The following EIF4E3 variants were observed in gnomAD, a reference collection of about 807,000 sequenced individuals.
EIF4E3 encodes eukaryotic translation initiation factor 4E type 3.
A neutral mutation model predicts 31.7 loss-of-function variants in EIF4E3; 26 were observed. The observed-to-expected ratio is 0.82, with a 90% CI of 0.60 to 1.14. The LOEUF (loss-of-function observed/expected upper bound fraction) is 1.14. EIF4E3 is among the 50% of genes most tolerant of loss of function. The probability of loss-of-function intolerance (pLI) is 0.00; values close to 1 mark genes in which losing one functional copy is unlikely to be tolerated. For missense variants in EIF4E3, 304 were observed against 270.9 expected (o/e 1.12, Z -0.86); for synonymous variants, 128 against 107.7 (o/e 1.19, Z -1.17).
At chr3:71,740,747 C>T (rs946427368) in intron 1 of EIF4E3, among the ~76,000 whole-genome samples, 16 of 152,016 alleles carry the variant, frequency 1.1e-4, no homozygotes, top group Admixed American at 5.2e-4. Flanking sequence ...AACAACAAAA[C>T]GAAACAACCA....
At position 71,681,212 on chromosome 3, in the gene EIF4E3, T is replaced by C. The variant is rs1466902913; in HGVS notation, c.*3470A>G. The C allele has an allele frequency of 1.3e-5, 2 of 152,240 alleles. No homozygotes were observed. The highest frequency in any genetic ancestry group is 3.8e-4 in the East Asian group (2 of 5,202). 9.4% of individuals were successfully genotyped at this position (152,240 alleles called of 1,614,324 possible). ...CAAGTATCATTTTTACATTTTCTCG[T>C]CAAATTTTTATAAAAGCTTAAGAGC... is the stretch of plus-strand genomic sequence containing the variant. On this transcript the variant is annotated 3_prime_UTR_variant, in exon 7 of 7. Coordinates refer to ENST00000425534, the MANE Select transcript of EIF4E3 (RefSeq NM_001134651.2).
chr3:71,669,128 C>T, the EIF4E3 span, among the ~76,000 whole-genome samples: 1 of 151,860 alleles, frequency 6.6e-6, no homozygotes, highest in African/African-American at 2.4e-5. Flanking sequence ...CCATCATTCT[C>T]AGCAAACTAA....
At chr3:71,699,752 GATTT>G (rs750595229) in intron 2 of EIF4E3, 44 bp from the exon 3 acceptor site, 16 of 1,490,864 alleles carry the variant, frequency 1.1e-5, no homozygotes, top group African/African-American at 5.5e-5. Context: ...ACCCAGTATT[GATTT>G]ATTATGCTGC....
At chr3:71,720,905 A>C (rs1014617103) in intron 1 of EIF4E3, among the ~76,000 whole-genome samples, 1 of 152,180 alleles carries the variant, frequency 6.6e-6, no homozygotes, top group Non-Finnish European at 1.5e-5. Flanking sequence ...ACAGTATGAA[A>C]TATAGAACTG....
chr3:71,715,959 T>C (rs1473165552), intron 1 of EIF4E3, among the ~76,000 whole-genome samples: 1 of 152,166 alleles, frequency 6.6e-6, no homozygotes, highest in Non-Finnish European at 1.5e-5. Context: ...GACCTTCCCC[T>C]TAAACTAGGC....
At chr3:71,662,490 T>C in the EIF4E3 span, among the ~76,000 whole-genome samples, 1 of 152,242 alleles carries the variant, frequency 6.6e-6, no homozygotes, top group East Asian at 1.9e-4. Context: ...TACACTTATA[T>C]GCGAAAAGCA....
At chr3:71,693,647 T>C (rs2049093453) in intron 5 of EIF4E3, among the ~76,000 whole-genome samples, 1 of 152,124 alleles carries the variant, frequency 6.6e-6, no homozygotes, top group Non-Finnish European at 1.5e-5. Flanking sequence ...AATATATACA[T>C]ACATATATAA....
In EIF4E3 at chr3:71,725,114, G is replaced by A. The variant is rs1485258493; in HGVS notation, c.176+78C>T. Reference sequence around the variant, plus strand: ...CACAGCGGAGCGGGGCCGGGGCGAGGGGCCGCGCCGAGACAAAGCGGCGGT... The same window carrying A: ...CACAGCGGAGCGGGGCCGGGGCGAGAGGCCGCGCCGAGACAAAGCGGCGGT... On this transcript the variant is annotated intron_variant, in intron 1 of 6. Coordinates refer to ENST00000425534, the MANE Select transcript of EIF4E3 (RefSeq NM_001134651.2). This position sits in a 1 kb window ranked among gnomAD's most constrained non-coding sequence, Gnocchi z 6.1. The A allele has an allele frequency of 3.1e-6, 3 of 979,494 alleles. No individual in the cohort carries two copies. The highest frequency in any genetic ancestry group is 1.8e-5 in the African/African-American group (1 of 56,884). 60.7% of individuals were successfully genotyped at this position (979,494 alleles called of 1,614,324 possible). A position where few individuals can be genotyped will look rare whatever the true frequency, so the allele number is the denominator to read the frequency against.
chr3:71,753,045 C>T lies in EIF4E3; in HGVS notation c.-291+418G>A, dbSNP rs2049950376. On this transcript the variant is annotated intron_variant, in intron 1 of 7. Transcript: ENST00000295612. Reference sequence around the variant, plus strand: ...TTCACCGGGATCACGGATGAGTTAGCGAGCAGGGGATGCTGCGGAGTCGCT... The same window carrying T: ...TTCACCGGGATCACGGATGAGTTAGTGAGCAGGGGATGCTGCGGAGTCGCT... 2.0e-5 allele frequency among the ~76,000 whole-genome samples: 3 copies of T among 152,132 alleles called. 1 individual carries two copies. In the South Asian group the frequency reaches 6.2e-4, roughly 32 times the overall value.
chr3:71,736,038 T>C (rs993151590), intron 1 of EIF4E3, among the ~76,000 whole-genome samples: 7 of 152,180 alleles, frequency 4.6e-5, no homozygotes, highest in African/African-American at 1.7e-4. Context: ...AGATGGCAAA[T>C]AGGTACCAAG....
chr3:71,678,402 A>G lies in EIF4E3; in HGVS notation c.*6280T>C, dbSNP rs890942279. The G allele has an allele frequency of 6.6e-6, 1 of 152,230 alleles. No homozygotes were observed. Among genetic ancestry groups the G allele is most frequent in the Admixed American group, 6.5e-5 (1 of 15,282 alleles). The allele number at this position is 152,230 out of a possible 1,614,324, so 9.4% of individuals were successfully genotyped here. On this transcript the variant is annotated 3_prime_UTR_variant, in exon 7 of 7. Coordinates refer to ENST00000425534, the MANE Select transcript of EIF4E3 (RefSeq NM_001134651.2). ...TCATAGCAATATAGTCCCAAATTAGAAAATTGCAAAACAGTCTAAACATTT... is the reference window on the plus strand; with the variant it reads ...TCATAGCAATATAGTCCCAAATTAGGAAATTGCAAAACAGTCTAAACATTT...
chr3:71,689,488 C>G (rs922170695), intron 6 of EIF4E3, among the ~76,000 whole-genome samples: 1 of 152,230 alleles, frequency 6.6e-6, no homozygotes, highest in East Asian at 1.9e-4. Context: ...CATTTCACCA[C>G]TAGGCGTGAA....
intron 1 of EIF4E3, among the ~76,000 whole-genome samples, chr3:71,712,321 C>T (rs1233894347): frequency 6.6e-6 from 1 of 152,088 alleles, no homozygotes; most frequent in Non-Finnish European, 1.5e-5. Flanking sequence ...CATCAGTCCA[C>T]GTGGATTGAC....
chr3:71,713,152 G>C (rs748737788), intron 1 of EIF4E3, among the ~76,000 whole-genome samples: 1 of 152,176 alleles, frequency 6.6e-6, no homozygotes, highest in Admixed American at 6.5e-5. Context: ...TCTGACCTCC[G>C]TTGAAGCACT....
chr3:71,719,330 C>T (rs548615772), intron 1 of EIF4E3, among the ~76,000 whole-genome samples: 1 of 152,140 alleles, frequency 6.6e-6, no homozygotes, highest in Non-Finnish European at 1.5e-5. Flanking sequence ...ATTTCTATGG[C>T]ATTTGTTACA....
At chr3:71,687,461 T>C (rs1247546992) in intron 6 of EIF4E3, among the ~76,000 whole-genome samples, 2 of 152,254 alleles carry the variant, frequency 1.3e-5, no homozygotes, top group East Asian at 3.8e-4. Context: ...TTTTTCTTTT[T>C]TTTCCAACCA....
rs1463434167 is a variant in EIF4E3 at position 71,683,837 on chromosome 3, A to C, written c.*845T>G. The C allele has an allele frequency of 6.6e-6, 1 of 152,200 alleles. No homozygotes were observed. Among genetic ancestry groups the C allele is most frequent in the African/African-American group, 2.4e-5 (1 of 41,448 alleles). 9.4% of individuals were successfully genotyped at this position (152,200 alleles called of 1,614,324 possible). ...GCAAGGAGCTTAATTCAAACAATTA[A>C]AATATCACCTTCTCTTTAAATCAGA... is the stretch of plus-strand genomic sequence containing the variant. On this transcript the variant is annotated 3_prime_UTR_variant, in exon 7 of 7. Coordinates refer to ENST00000425534, the MANE Select transcript of EIF4E3 (RefSeq NM_001134651.2).
At chr3:71,738,727 C>T (rs1296268567) in intron 1 of EIF4E3, among the ~76,000 whole-genome samples, 3 of 151,942 alleles carry the variant, frequency 2.0e-5, no homozygotes, top group Non-Finnish European at 2.9e-5. Flanking sequence ...CAACAGCCCA[C>T]TCTCAGCAAT....
At chr3:71,747,647 C>A (rs145088380) in intron 1 of EIF4E3, among the ~76,000 whole-genome samples, 46 of 152,064 alleles carry the variant, frequency 3.0e-4, no homozygotes, top group African/African-American at 1.0e-3. Context: ...GTATTTTTTT[C>A]TTTTGTCACC....
Sources: gnomAD v4.1 joint callset for allele counts (sites outside exome capture counted in the v4.1 genomes callset) on GRCh38, gnomAD v4.1.1 for gene constraint, Gnocchi (gnomAD v3.1) non-coding constraint, MANE v1.5 for transcripts, NCBI Gene and HGNC (gene_info 2026-07-23, HGNC 2026-07-21) for gene names.